SERINC4: variants seen among roughly 807,000 people sequenced by gnomAD.
The protein encoded by SERINC4 is serine incorporator 4.
In SERINC4, 52 loss-of-function variants were observed where a neutral mutation model predicts 52.0. The observed-to-expected ratio is 1.00, with a 90% CI of 0.80 to 1.26. SERINC4 has a LOEUF of 1.26. Ranked by LOEUF, SERINC4 falls within the 50% of genes most tolerant of loss-of-function variation. SERINC4 has a pLI of 0.00. For missense variants in SERINC4, 723 were observed against 632.8 expected, an observed-to-expected ratio of 1.14 and a Z score of -1.53; for synonymous variants, 264 against 247.7, an observed-to-expected ratio of 1.07 and a Z score of -0.62.
rs1175284258 is a variant in SERINC4 at position 43,799,866 on chromosome 15, C to T, written c.102+19G>A. On this transcript the variant is annotated intron_variant, in intron 1 of 11. Coordinates refer to ENST00000319327, the MANE Select transcript of SERINC4 (RefSeq NM_001258031.2). ...CTTCCTCCCCAGCTTCGGCCACTCTCCCCTTCGCACCCTCTCACCTGACAG... is the reference window on the plus strand; with the variant it reads ...CTTCCTCCCCAGCTTCGGCCACTCTTCCCTTCGCACCCTCTCACCTGACAG... 5 of 1,519,080 alleles carry T rather than the reference C, an allele frequency of 3.3e-6. No individual in the cohort carries two copies. Among genetic ancestry groups the T allele is most frequent in the South Asian group, 1.2e-5 (1 of 81,580 alleles). The allele number at this position is 1,519,080 out of a possible 1,614,324, so 94.1% of individuals were successfully genotyped here.
chr15:43,798,443 C>G lies in SERINC4; in HGVS notation c.520G>C (p.Asp174His). The change falls in exon 4 of 12, where the codon GAT (aspartate) becomes CAT (histidine). Residue 174 changes from aspartate (D) to histidine (H), a missense_variant. Coordinates refer to ENST00000319327, the MANE Select transcript of SERINC4 (RefSeq NM_001258031.2). ...GLCAIAFCIP[D>H]EHLFPAWHYI... ...AGAGTACCTGGGAAGAGATGCTCAT[C>G]AGGAATGCAGAAGGCAATAGCACAG... The G allele has an allele frequency of 6.2e-7, 1 of 1,613,302 alleles. No individual in the cohort carries two copies. The highest frequency in any genetic ancestry group is 1.1e-5 in the South Asian group (1 of 91,056).
intron 6 of SERINC4, 51 bp downstream of exon 6, chr15:43,797,094 C>T: frequency 6.6e-7 from 1 of 1,508,282 alleles, no homozygotes; most frequent in Non-Finnish European, 9.0e-7. Flanking sequence ...ATGAAACTTG[C>T]TATGCTTTTA....
intron 5 of SERINC4, 47 bp from the exon 6 acceptor site, chr15:43,797,403 T>A: frequency 6.8e-7 from 1 of 1,470,884 alleles, no homozygotes; most frequent in Non-Finnish European, 9.2e-7. Context: ...GCATTTTTTT[T>A]TTTTTTGAGT....
intron 5 of SERINC4, 23 bp from the exon 6 acceptor site, chr15:43,797,379 G>A: frequency 6.6e-7 from 1 of 1,521,962 alleles, no homozygotes; most frequent in East Asian, 2.5e-5. Context: ...AGTGGGCAAT[G>A]GCTTGGAGCT....
At position 43,799,453 on chromosome 15, in the gene SERINC4, A is replaced by T; in HGVS notation, c.136T>A (p.Cys46Ser). Residue 46 changes from cysteine to serine, a missense_variant, in exon 2 of 12, where the codon TGC (cysteine) becomes AGC (serine). Transcript: ENST00000319327. ...CCCGPAPCAS[C>S]CHSRWPSLTA... Reference sequence around the variant, plus strand: ...AGAGAGGGCCACCTAGAGTGGCAGCAGCTGGCACAAGGAGCAGGCCCACAG... The same window carrying T: ...AGAGAGGGCCACCTAGAGTGGCAGCTGCTGGCACAAGGAGCAGGCCCACAG... 1 of 1,550,746 alleles carries T rather than the reference A, an allele frequency of 6.4e-7. No individual in the cohort carries two copies. The highest frequency in any genetic ancestry group is 1.2e-5 in the South Asian group (1 of 84,066).
intron 9 of SERINC4, 122 bp downstream of exon 9, chr15:43,796,033 G>T (rs931237543): frequency 6.6e-6 from 5 of 761,736 alleles, no homozygotes; most frequent in African/African-American, 5.2e-5. Flanking sequence ...CACATTGTGG[G>T]TACTCAATAA....
At chr15:43,798,547 C>A in intron 3 of SERINC4, 43 bp from the exon 4 acceptor site, 1 of 1,461,518 alleles carries the variant, frequency 6.8e-7, no homozygotes, top group Non-Finnish European at 9.6e-7. Flanking sequence ...GGAGAAAAGG[C>A]AAAGGACAGT....
intron 1 of SERINC4, 47 bp from the exon 2 acceptor site, chr15:43,799,533 G>C: frequency 1.9e-6 from 3 of 1,549,312 alleles, no homozygotes; most frequent in Non-Finnish European, 2.6e-6. Flanking sequence ...ACTTGCTGAG[G>C]AAAGGCATAC....
rs1211903813 is a variant in SERINC4, at chr15:43,799,396, TGTAGAACAG to T, written c.184_192del (p.Leu62_Tyr64del). Reference sequence around the variant, plus strand: ...GCTGAGGCCCCCACATGGAGGAGGATGTAGAACAGGCGGCTGCAAGTGGATGCGGTGAGA... The same window carrying T: ...GCTGAGGCCCCCACATGGAGGAGGATGCGGCTGCAAGTGGATGCGGTGAGA... On this transcript the variant is annotated inframe_deletion, in exon 2 of 12. Transcript: ENST00000319327. 6.4e-7 allele frequency: 1 copy of T among 1,550,770 alleles called. No individual in the cohort carries two copies. The highest frequency in any genetic ancestry group is 8.7e-7 in the Non-Finnish European group (1 of 1,147,028).
chr15:43,796,140 G>T lies in SERINC4; in HGVS notation c.1140+15C>A. On this transcript the variant is annotated intron_variant, in intron 9 of 11. Transcript: ENST00000319327. ...GGAGGGAGGGTGTTGGGGATATGGAGCTCTTTATCCTCACCTGAAACTCAT... is the reference window on the plus strand; with the variant it reads ...GGAGGGAGGGTGTTGGGGATATGGATCTCTTTATCCTCACCTGAAACTCAT... The T allele has an allele frequency of 6.3e-7, 1 of 1,592,326 alleles. No individual in the cohort carries two copies. Among genetic ancestry groups the T allele is most frequent in the Non-Finnish European group, 8.6e-7 (1 of 1,160,200 alleles).
Position 43,796,882 on chromosome 15 carries a change from C to A in SERINC4, c.903G>T (p.Leu301=). 1 of 1,614,050 alleles carries A rather than the reference C, an allele frequency of 6.2e-7. No individual in the cohort carries two copies. The highest frequency in any genetic ancestry group is 8.5e-7 in the Non-Finnish European group (1 of 1,179,992). Residue 301 remains leucine, a synonymous_variant, in exon 7 of 12, where the codon CTG becomes CTT. Coordinates refer to ENST00000319327, the MANE Select transcript of SERINC4 (RefSeq NM_001258031.2). ...ASVISCYIMY[L]TFSALSSRPP... ...GACGGCTGGACAGTGCAGAGAAAGT[C>A]AGATACATGATATAGCAGCTGATGA...
chr15:43,799,616 C>G lies in SERINC4; in HGVS notation c.103-130G>C, dbSNP rs1202701203. 1.7e-5 allele frequency: 20 copies of G among 1,200,984 alleles called. No individual in the cohort carries two copies. The South Asian group carries it at 2.2e-4, about 13-fold the overall frequency. The allele number at this position is 1,200,984 out of a possible 1,614,324, so 74.4% of individuals were successfully genotyped here. On this transcript the variant is annotated intron_variant, in intron 1 of 11. Transcript: ENST00000319327. ...CCCCTTCCCCTTTCTTCCTTTTACT[C>G]AGGTTCTGTTTCAAGCTGATTCCAG...
At chr15:43,798,382 A>G (rs1396871516) in intron 4 of SERINC4, 43 bp downstream of exon 4, 3 of 1,452,414 alleles carry the variant, frequency 2.1e-6, no homozygotes, top group South Asian at 2.3e-5. Context: ...GTTATCTTAG[A>G]AAACTTAGCC....
At chr15:43,796,553 G>T in intron 8 of SERINC4, 63 bp downstream of exon 8, 1 of 1,569,628 alleles carries the variant, frequency 6.4e-7, no homozygotes, top group Non-Finnish European at 8.7e-7. Flanking sequence ...ACATTGTCCT[G>T]ACCATCCTTC....
In SERINC4 at chr15:43,799,143, A is replaced by G. The variant is rs949308378; in HGVS notation, c.280-6T>C. On this transcript the variant is annotated splice_region_variant and splice_polypyrimidine_tract_variant and intron_variant, in intron 2 of 11. Coordinates refer to ENST00000319327, the MANE Select transcript of SERINC4 (RefSeq NM_001258031.2). ...AACCCCGAGGGCATCTGGATCTGGG[A>G]GTGTGTGTGAGAGAAATGGCAGGAC... 5.2e-6 allele frequency: 8 copies of G among 1,544,952 alleles called. No homozygotes were observed. In the African/African-American group the frequency reaches 1.1e-4, roughly 21 times the overall value.
rs2087266503 is a variant in SERINC4, at chr15:43,799,021, C to T, written c.396G>A (p.Leu132=). The part of the protein sequence containing the change: ...VCAGTATFHL[L]QAVLLVHLHS... The stretch of plus-strand genomic sequence containing the variant: ...GGAGGTGGACCAGCAACACAGCCTG[C>T]AGCAGGTGGAAGGTGGCGGTTCCTG... The change falls in exon 3 of 12, where the codon CTG becomes CTA. Residue 132 remains leucine (L), a synonymous_variant. Coordinates refer to ENST00000319327, the MANE Select transcript of SERINC4 (RefSeq NM_001258031.2). 1 of 1,550,430 alleles carries T rather than the reference C, an allele frequency of 6.4e-7. No individual in the cohort carries two copies. The highest frequency in any genetic ancestry group is 1.2e-5 in the South Asian group (1 of 84,060).
intron 8 of SERINC4, 193 bp downstream of exon 8, chr15:43,796,423 C>T: frequency 1.4e-6 from 1 of 718,840 alleles, no homozygotes; most frequent in Non-Finnish European, 2.3e-6. Context: ...CAAGTCATTC[C>T]CCCCACCCCC....
At chr15:43,796,437 A>C (rs900805633) in intron 8 of SERINC4, 179 bp downstream of exon 8, 2 of 749,552 alleles carry the variant, frequency 2.7e-6, no homozygotes, top group East Asian at 2.6e-5. Flanking sequence ...CACCCCCTTC[A>C]TCTCATACAG....
chr15:43,798,641 C>A (rs192465822), intron 3 of SERINC4, 137 bp from the exon 4 acceptor site: 2 of 693,346 alleles, frequency 2.9e-6, no homozygotes, highest in Non-Finnish European at 5.1e-6. Context: ...GGAACCAATC[C>A]CAAATGAGAG....
Sources: allele counts gnomAD v4.1 joint callset, GRCh38; gene constraint gnomAD v4.1.1; transcripts MANE v1.5; gene names NCBI Gene and HGNC (gene_info 2026-07-23, HGNC 2026-07-21).